The following EPHA6 variants were observed in gnomAD, a reference collection of about 807,000 sequenced individuals.
EPHA6 encodes EPH receptor A6, also known as ephrin type-A receptor 6.
A neutral mutation model predicts 112.0 loss-of-function variants in EPHA6; 50 were observed. The observed-to-expected ratio is 0.45, with a 90% CI of 0.36 to 0.56. The LOEUF is 0.56. Among genes scored for constraint, EPHA6 ranks in the 20% least tolerant of loss-of-function variants. EPHA6 has a pLI of 0.00. For synonymous variants in EPHA6, 529 were observed against 490.7 expected (o/e 1.08, Z -1.03); for missense variants, 1,280 against 1,417.4 (o/e 0.90, Z 1.56).
intron 5 of EPHA6, among the ~76,000 whole-genome samples, chr3:97,385,252 T>C (rs2085991555): frequency 6.6e-6 from 1 of 152,216 alleles, no homozygotes; most frequent in African/African-American, 2.4e-5. Context: ...CTTATTTAAG[T>C]ATCTTTACTT....
intron 5 of EPHA6, among the ~76,000 whole-genome samples, chr3:97,311,750 T>C (rs1390534950): frequency 6.6e-6 from 1 of 151,704 alleles, no homozygotes; most frequent in Admixed American, 6.6e-5. Context: ...CTTTTTGAGA[T>C]CTGTTTGGCT....
chr3:97,615,832 G>C (rs2093761106), intron 13 of EPHA6, among the ~76,000 whole-genome samples: 1 of 152,074 alleles, frequency 6.6e-6, no homozygotes, highest in East Asian at 1.9e-4. Context: ...ATTCTCCCTG[G>C]TATGGAGAGC....
At chr3:96,845,751 G>C (rs1051170202) in intron 1 of EPHA6, among the ~76,000 whole-genome samples, 3 of 152,018 alleles carry the variant, frequency 2.0e-5, no homozygotes, top group Non-Finnish European at 4.4e-5. Flanking sequence ...TGAAGGGTAA[G>C]ATTCCACTGG....
Position 96,867,750 on chromosome 3 carries a change from C to T in EPHA6, c.450+861C>T, listed in dbSNP as rs566596643. ...CTTCTATTATATCTTCAAATTTAAA[C>T]CTCAAAGGAGAAATTGATCCAAATA... is the stretch of plus-strand genomic sequence containing the variant. On this transcript the variant is annotated intron_variant, in intron 2 of 17. Transcript: ENST00000389672. 2.0e-5 allele frequency among the ~76,000 whole-genome samples: 3 copies of T among 151,846 alleles called. No homozygotes were observed. The South Asian group carries it at 6.2e-4, about 32-fold the overall frequency.
chr3:97,076,669 A>G (rs1249414279), intron 3 of EPHA6, among the ~76,000 whole-genome samples: 1 of 152,170 alleles, frequency 6.6e-6, no homozygotes, highest in Non-Finnish European at 1.5e-5. Context: ...TAGAACTTTT[A>G]CAGCTAGAGA....
chr3:96,865,027 G>C (rs968451050), intron 1 of EPHA6, among the ~76,000 whole-genome samples: 1 of 152,040 alleles, frequency 6.6e-6, no homozygotes, highest in African/African-American at 2.4e-5. Flanking sequence ...CAAGAAACAA[G>C]ATTGGACATT....
chr3:97,185,362 T>C (rs1472167291), intron 3 of EPHA6, among the ~76,000 whole-genome samples: 1 of 151,988 alleles, frequency 6.6e-6, no homozygotes, highest in Non-Finnish European at 1.5e-5. Flanking sequence ...CTCCAACAAA[T>C]TTACAAGAAA....
chr3:97,478,797 A>C (rs896547203), intron 8 of EPHA6, among the ~76,000 whole-genome samples: 1 of 152,080 alleles, frequency 6.6e-6, no homozygotes, highest in African/African-American at 2.4e-5. Flanking sequence ...AATCATATGG[A>C]TGTTGAAGAA....
intron 3 of EPHA6, among the ~76,000 whole-genome samples, chr3:96,988,532 T>G (rs1431938017): frequency 6.6e-6 from 1 of 152,192 alleles, no homozygotes; most frequent in Non-Finnish European, 1.5e-5. Context: ...CATATTGAAT[T>G]ATAATACTTG....
chr3:97,078,235 G>A (rs2046602106), intron 3 of EPHA6, among the ~76,000 whole-genome samples: 1 of 152,072 alleles, frequency 6.6e-6, no homozygotes, highest in African/African-American at 2.4e-5. Flanking sequence ...ATTTTTTGAT[G>A]TGATTGTTTG....
At position 96,975,718 on chromosome 3, in the gene EPHA6, T is replaced by TTCCATCCA. The variant is rs1468708113; in HGVS notation, c.451-11609_451-11602dup. Among the ~76,000 whole-genome samples, 5 of 152,282 alleles carry TTCCATCCA rather than the reference T, an allele frequency of 3.3e-5. No homozygotes were observed. In the East Asian group the frequency reaches 9.7e-4, roughly 29 times the overall value. Reference sequence around the variant, plus strand: ...AGCAGGACACTTAGTTACAAAACTTTTCCATCCATCTCTTTGTCATCCATC... The same window carrying TTCCATCCA: ...AGCAGGACACTTAGTTACAAAACTTTTCCATCCATCCATCCATCTCTTTGTCATCCATC... On this transcript the variant is annotated intron_variant, in intron 2 of 17. Transcript: ENST00000389672.
At chr3:97,375,200 G>T (rs2108997118) in intron 5 of EPHA6, among the ~76,000 whole-genome samples, 1 of 152,182 alleles carries the variant, frequency 6.6e-6, no homozygotes, top group Middle Eastern at 3.4e-3. Flanking sequence ...ATTACAAAGG[G>T]CTTTCTTTCT....
intron 5 of EPHA6, among the ~76,000 whole-genome samples, chr3:97,382,078 T>C (rs1483318963): frequency 6.6e-6 from 1 of 152,106 alleles, no homozygotes; most frequent in Admixed American, 6.6e-5. Flanking sequence ...TGTTAACTAT[T>C]TAGAAATGTA....
chr3:97,048,068 A>G (rs2045571149), intron 3 of EPHA6, among the ~76,000 whole-genome samples: 1 of 152,246 alleles, frequency 6.6e-6, no homozygotes, highest in African/African-American at 2.4e-5. Context: ...TAAAATCAAG[A>G]AGAATTCAAA....
At chr3:97,507,411 A>G (rs892238193) in intron 10 of EPHA6, among the ~76,000 whole-genome samples, 1 of 152,138 alleles carries the variant, frequency 6.6e-6, no homozygotes, top group Non-Finnish European at 1.5e-5. Flanking sequence ...TTCTGCATCT[A>G]TTAAGATATT....
At chr3:97,480,280 G>C (rs1201217404) in intron 9 of EPHA6, among the ~76,000 whole-genome samples, 1 of 151,324 alleles carries the variant, frequency 6.6e-6, no homozygotes, top group Non-Finnish European at 1.5e-5. Context: ...TTCTCGGAGA[G>C]GGGGATTTGG....
chr3:97,216,509 A>G (rs2078038374), intron 3 of EPHA6, among the ~76,000 whole-genome samples: 1 of 152,148 alleles, frequency 6.6e-6, no homozygotes, highest in Non-Finnish European at 1.5e-5. Flanking sequence ...AGGATCAATA[A>G]CTCATGTAGC....
At chr3:97,564,343 G>C (rs535992834) in intron 11 of EPHA6, among the ~76,000 whole-genome samples, 1 of 152,202 alleles carries the variant, frequency 6.6e-6, no homozygotes, top group South Asian at 2.1e-4. Context: ...CCATTCTGAA[G>C]TATTGCATTT....
intron 2 of EPHA6, among the ~76,000 whole-genome samples, chr3:96,898,644 A>G (rs1423227381): frequency 6.6e-6 from 1 of 152,160 alleles, no homozygotes; most frequent in Non-Finnish European, 1.5e-5. Flanking sequence ...AGTATAACCC[A>G]ATCAGGAATT....
Sources: allele counts gnomAD v4.1 joint callset (sites outside exome capture counted in the v4.1 genomes callset), GRCh38; gene constraint gnomAD v4.1.1; transcripts MANE v1.5; gene names NCBI Gene and HGNC (gene_info 2026-07-23, HGNC 2026-07-21).